The following S100A2 variants were observed in gnomAD, a reference collection of about 807,000 sequenced individuals.
The protein encoded by S100A2 is protein S100-A2.
S100A2 carries 5 observed loss-of-function variants against 4.3 expected under a neutral mutation model. That is an observed-to-expected ratio of 1.16 (90% CI 0.61 to 2.44). S100A2 has a LOEUF of 2.44. S100A2 is among the 30% of genes most tolerant of loss of function. The probability of loss-of-function intolerance (pLI) is 0.01; values close to 1 mark genes in which losing one functional copy is unlikely to be tolerated. For missense variants in S100A2, 103 were observed against 114.7 expected, an observed-to-expected ratio of 0.90 and a Z score of 0.47; for synonymous variants, 44 against 46.0, an observed-to-expected ratio of 0.96 and a Z score of 0.17.
chr1:153,563,929 G>A lies in S100A2; in HGVS notation c.-10-42C>T. The A allele has an allele frequency of 1.9e-6, 3 of 1,588,858 alleles. 1 individual carries two copies. The South Asian group carries it at 3.4e-5, about 18-fold the overall frequency. ...TGATGGGTACACTGCTGAGGCTCTTGGGGCCTTAGCTCAGCCTGTAGGATC... is the reference window on the plus strand; with the variant it reads ...TGATGGGTACACTGCTGAGGCTCTTAGGGCCTTAGCTCAGCCTGTAGGATC... On this transcript the variant is annotated intron_variant, in intron 1 of 2. Coordinates refer to ENST00000368708, the MANE Select transcript of S100A2 (RefSeq NM_005978.4).
intron 2 of S100A2, among the ~76,000 whole-genome samples, chr1:153,562,646 T>C (rs1438773286): frequency 6.6e-6 from 1 of 152,182 alleles, no homozygotes; most frequent in African/African-American, 2.4e-5. Context: ...CCAGACTATA[T>C]ATCTTAGCTG....
Position 153,561,353 on chromosome 1 carries a change from C to CA in S100A2, c.*85dup, listed in dbSNP as rs1233065580. 2.5e-5 allele frequency: 37 copies of CA among 1,486,444 alleles called. No homozygotes were observed. In the South Asian group the frequency reaches 2.5e-4, roughly 10 times the overall value. The allele number at this position is 1,486,444 out of a possible 1,614,324, so 92.1% of individuals were successfully genotyped here. On this transcript the variant is annotated 3_prime_UTR_variant, in exon 3 of 3. Coordinates refer to ENST00000368708, the MANE Select transcript of S100A2 (RefSeq NM_005978.4). ...GAGCAATTAAAATATTATCAACAGA[C>CA]AAAAAAAGTTTATTGAATACAAAAC...
chr1:153,565,053 T>C (rs1372141533), intron 1 of S100A2, among the ~76,000 whole-genome samples: 3 of 151,440 alleles, frequency 2.0e-5, no homozygotes, highest in Non-Finnish European at 4.4e-5. Context: ...GGCTTACTCC[T>C]GTAATCCCAG....
chr1:153,561,490 G>A lies in S100A2; in HGVS notation c.246C>T (p.Leu82=), dbSNP rs1665893758. ...AGAAGTCATTGCACATGACAGTGATGAGTGCCAGGAAAACAGCATACTCCT... is the reference window on the plus strand; with the variant it reads ...AGAAGTCATTGCACATGACAGTGATAAGTGCCAGGAAAACAGCATACTCCT... ...DFQEYAVFLA[L]ITVMCNDFFQ... is the part of the protein sequence containing the mutation. The change falls in exon 3 of 3, where the codon CTC becomes CTT. Residue 82 remains leucine, a synonymous_variant. Transcript: ENST00000368708. The A allele has an allele frequency of 1.2e-6, 2 of 1,614,052 alleles. No homozygotes were observed. The highest frequency in any genetic ancestry group is 2.2e-5 in the South Asian group (2 of 91,080).
At position 153,563,102 on chromosome 1, in the gene S100A2, C is replaced by T. The variant is rs566365600; in HGVS notation, c.144+632G>A. 2.9e-3 allele frequency among the ~76,000 whole-genome samples: 438 copies of T among 151,094 alleles called. 3 individuals are homozygous for T. Among genetic ancestry groups the T allele is most frequent in the Non-Finnish European group, 3.6e-3 (244 of 67,630 alleles). On this transcript the variant is annotated intron_variant, in intron 2 of 2. Transcript: ENST00000368708. ...CAGCCTGACCAATATGATGAAACCCCGTCTCTACTAAAAATACAAAAATCA... is the reference window on the plus strand; with the variant it reads ...CAGCCTGACCAATATGATGAAACCCTGTCTCTACTAAAAATACAAAAATCA...
At chr1:153,563,338 C>G in intron 2 of S100A2, 1 of 1,460,774 alleles carries the variant, frequency 6.8e-7, no homozygotes, top group South Asian at 1.3e-5. Flanking sequence ...TGCCATTGCA[C>G]TCCAGCCTGG....
chr1:153,563,217 C>T (rs1393696170), intron 2 of S100A2, among the ~76,000 whole-genome samples: 3 of 151,868 alleles, frequency 2.0e-5, no homozygotes, highest in African/African-American at 7.3e-5. Flanking sequence ...ACTAAAAATA[C>T]AAAAATTAGC....
intron 1 of S100A2, among the ~76,000 whole-genome samples, chr1:153,565,068 T>C (rs1363778468): frequency 3.3e-5 from 5 of 150,906 alleles, no homozygotes; most frequent in Admixed American, 3.3e-4. Flanking sequence ...TCCCAGCACT[T>C]TGGGAGGCCG....
At position 153,563,829 on chromosome 1, in the gene S100A2, AG is replaced by A; in HGVS notation, c.48del (p.Phe17SerfsTer14). The A allele has an allele frequency of 6.2e-7, 1 of 1,614,198 alleles. No individual in the cohort carries two copies. Among genetic ancestry groups the A allele is most frequent in the Non-Finnish European group, 8.5e-7 (1 of 1,180,030 alleles). On this transcript the variant is annotated frameshift_variant, in exon 2 of 3. Transcript: ENST00000368708. LOFTEE classifies it high-confidence loss of function. ...LEQALAVLVT[T>X]FHKYSCQEGD... ...CCCTCTTGGCAGGAGTACTTGTGGA[AG>A]GTAGTGACCAGCACAGCCAGCGCCT...
At chr1:153,563,366 C>T (rs1309892281) in intron 2 of S100A2, 4 of 1,508,010 alleles carry the variant, frequency 2.7e-6, no homozygotes, top group Non-Finnish European at 3.6e-6. Context: ...GAGGGAAACT[C>T]CATCTCAAAA....
intron 1 of S100A2, chr1:153,564,088 G>A (rs1009164508): frequency 1.1e-5 from 6 of 529,356 alleles, no homozygotes; most frequent in African/African-American, 7.7e-5. Context: ...GAGGGCAGAC[G>A]CTAAAGCTTC....
At chr1:153,564,010 G>T in intron 1 of S100A2, 123 bp from the exon 2 acceptor site, 2 of 961,246 alleles carry the variant, frequency 2.1e-6, no homozygotes, top group Non-Finnish European at 3.0e-6. Context: ...GAATGGGAAG[G>T]CAGGGGCTGC....
chr1:153,565,311 CAAAAAAAAAAA>C (rs57778287), intron 1 of S100A2, among the ~76,000 whole-genome samples, 184 bp downstream of exon 1: 6 of 46,758 alleles, frequency 1.3e-4, no homozygotes, highest in African/African-American at 4.5e-4. Flanking sequence ...GACTCCATCT[CAAAAAAAAAAA>C]AAAAAAAAAA....
At chr1:153,564,894 G>A (rs750605594) in intron 1 of S100A2, among the ~76,000 whole-genome samples, 3 of 110,928 alleles carry the variant, frequency 2.7e-5, no homozygotes, top group Middle Eastern at 6.8e-3. Context: ...TTGCAGCAAC[G>A]CCCACATGCA....
At chr1:153,564,869 A>AAAAAAAAAAAAC (rs1557899890) in intron 1 of S100A2, among the ~76,000 whole-genome samples, 2 of 149,594 alleles carry the variant, frequency 1.3e-5, no homozygotes, top group African/African-American at 4.9e-5. Context: ...AAAAAAAAAA[A>AAAAAAAAAAAAC]TCTCAGGATT....
chr1:153,563,608 A>G (rs753151199), intron 2 of S100A2, 126 bp downstream of exon 2: 6 of 1,563,152 alleles, frequency 3.8e-6, no homozygotes, highest in Non-Finnish European at 5.2e-6. Context: ...CCATGAAGCT[A>G]AAGTGGGGAG....
intron 2 of S100A2, among the ~76,000 whole-genome samples, chr1:153,562,969 C>CAAAAAA (rs35473116): frequency 3.2e-5 from 3 of 94,560 alleles, no homozygotes; most frequent in African/African-American, 4.2e-5. Context: ...CCCCCCACCA[C>CAAAAAA]AAAAAAAAAA....
At chr1:153,564,148 C>A in intron 1 of S100A2, 3 of 392,434 alleles carry the variant, frequency 7.6e-6, no homozygotes, top group Non-Finnish European at 1.4e-5. Flanking sequence ...TTGGGACACC[C>A]CCCTGAGGGC....
Position 153,563,874 on chromosome 1 carries a change from T to C in S100A2, c.4A>G (p.Met2Val), listed in dbSNP as rs1225923987. Residue 2 changes from methionine to valine, a missense_variant, in exon 2 of 3, where the codon ATG becomes GTG. Met to Val is a conservative substitution (Grantham distance 21). Transcript: ENST00000368708. ...AGCGCCTGCTCCAGAGAACTGCACA[T>C]CATGGATCTGTGGCTGCAGAGGTGC... Reference protein sequence around the residue: MMCSSLEQALAV... With the variant: MVCSSLEQALAV... The C allele has an allele frequency of 1.9e-6, 3 of 1,613,914 alleles. No homozygotes were observed. Among genetic ancestry groups the C allele is most frequent in the Admixed American group, 3.3e-5 (2 of 59,992 alleles).
Sources: gnomAD v4.1 joint callset for allele counts (sites outside exome capture counted in the v4.1 genomes callset) on GRCh38, gnomAD v4.1.1 for gene constraint, MANE v1.5 for transcripts, NCBI Gene and HGNC (gene_info 2026-07-23, HGNC 2026-07-21) for gene names.